The following STAB2 variants were observed in gnomAD, a reference collection of about 807,000 sequenced individuals.
The protein encoded by STAB2 is stabilin 2, also known as stabilin-2.
A neutral mutation model predicts 338.1 loss-of-function variants in STAB2; 288 were observed. The observed-to-expected ratio is 0.85, with a 90% confidence interval of 0.77 to 0.94. STAB2 has a LOEUF of 0.94. Among genes scored for constraint, STAB2 ranks in the 40% least tolerant of loss-of-function variants. The pLI, the probability that STAB2 is intolerant of heterozygous loss-of-function variation, is 0.00. For synonymous variants in STAB2, 1,202 were observed against 1,193.3 expected (o/e 1.01, Z -0.15); for missense variants, 3,141 against 3,210.1 (o/e 0.98, Z 0.52).
chr12:103,753,827 G>A (rs1318616588), intron 61 of STAB2, among the ~76,000 whole-genome samples: 1 of 152,040 alleles, frequency 6.6e-6, no homozygotes, highest in Non-Finnish European at 1.5e-5. Flanking sequence ...AGCCTAGGGT[G>A]GATCTCCCCG....
At chr12:103,716,836 G>C (rs1000223574) in intron 43 of STAB2, among the ~76,000 whole-genome samples, 3 of 152,216 alleles carry the variant, frequency 2.0e-5, no homozygotes, top group Non-Finnish European at 4.4e-5. Context: ...TGCCCATCCA[G>C]TCCTAGGGGG....
chr12:103,749,912 G>A (rs1403531399), intron 59 of STAB2, among the ~76,000 whole-genome samples: 4 of 144,846 alleles, frequency 2.8e-5, no homozygotes, highest in African/African-American at 1.0e-4. Context: ...AAAAGATGAT[G>A]CAAGATAATG....
At chr12:103,688,048 C>A in intron 27 of STAB2, 120 bp from the exon 28 acceptor site, 1 of 937,688 alleles carries the variant, frequency 1.1e-6, no homozygotes. Flanking sequence ...GGACAACGAG[C>A]CTAGCCCCAG....
intron 56 of STAB2, among the ~76,000 whole-genome samples, chr12:103,743,022 TC>T (rs1882710656): frequency 1.0e-5 from 1 of 97,022 alleles, no homozygotes. Context: ...AATTTTTTTT[TC>T]TTTTTTTTTT....
At chr12:103,657,226 TAAAAAAAAAAA>T (rs140834161) in intron 15 of STAB2, among the ~76,000 whole-genome samples, 3 of 116,410 alleles carry the variant, frequency 2.6e-5, no homozygotes, top group African/African-American at 9.8e-5. Flanking sequence ...TAAAGTGAGC[TAAAAAAAAAAA>T]AAAAAAAAAG....
chr12:103,754,921 G>A (rs1004382708), intron 61 of STAB2, among the ~76,000 whole-genome samples: 8 of 151,066 alleles, frequency 5.3e-5, no homozygotes, highest in Admixed American at 6.6e-5. Flanking sequence ...CCTTTAGCCT[G>A]GGTGACAGAG....
At chr12:103,602,934 C>T (rs7955524) in intron 3 of STAB2, among the ~76,000 whole-genome samples, 5,765 of 152,186 alleles carry the variant, frequency 0.038, 393 homozygotes, top group African/African-American at 0.13. Flanking sequence ...GATACTGCTT[C>T]TTGTATCATA....
At chr12:103,750,996 GA>G (rs1162832143) in intron 60 of STAB2, among the ~76,000 whole-genome samples, 1 of 152,236 alleles carries the variant, frequency 6.6e-6, no homozygotes, top group Non-Finnish European at 1.5e-5. Context: ...GGAGGCTGAG[GA>G]AAGCGAAAAG....
At chr12:103,672,175 C>T (rs1875864481) in intron 22 of STAB2, among the ~76,000 whole-genome samples, 1 of 152,350 alleles carries the variant, frequency 6.6e-6, no homozygotes, top group Middle Eastern at 3.4e-3. Context: ...ACAACCCTTC[C>T]GCTCTCCTAC....
chr12:103,683,249 C>G lies in STAB2; in HGVS notation c.2850C>G (p.Asp950Glu), dbSNP rs1566012134. 6 of 1,612,468 alleles carry G rather than the reference C, an allele frequency of 3.7e-6. No individual in the cohort carries two copies. Among genetic ancestry groups the G allele is most frequent in the South Asian group, 2.2e-5 (2 of 90,882 alleles). The change falls in exon 26 of 69, where the codon GAC (aspartate) becomes GAG (glutamate). Residue 950 changes from aspartate to glutamate, a missense_variant. Coordinates refer to ENST00000388887, the MANE Select transcript of STAB2 (RefSeq NM_017564.10). The part of the protein sequence containing the change: ...CKKGFRGNGI[D>E]CEPITSCLEQ... ...AAGGATTTCGAGGAAATGGGATTGA[C>G]TGTGAACCAATAACTTCATGCTTGG...
At chr12:103,719,025 A>G (rs1391038311) in intron 44 of STAB2, among the ~76,000 whole-genome samples, 3 of 152,204 alleles carry the variant, frequency 2.0e-5, no homozygotes, top group Non-Finnish European at 4.4e-5. Context: ...CCTTGACTGC[A>G]GGCTGGACCC....
intron 12 of STAB2, among the ~76,000 whole-genome samples, chr12:103,652,911 T>G (rs1190813605): frequency 1.3e-5 from 2 of 152,094 alleles, no homozygotes; most frequent in Non-Finnish European, 2.9e-5. Context: ...GTTATGCAAA[T>G]GGGGTTACAA....
At chr12:103,669,502 C>G in intron 20 of STAB2, 39 bp from the exon 21 acceptor site, 8 of 1,532,058 alleles carry the variant, frequency 5.2e-6, no homozygotes, top group Non-Finnish European at 7.2e-6. Context: ...TGGTGCTCTA[C>G]TTGGGGGTTC....
chr12:103,703,041 A>G (rs1189506727), intron 34 of STAB2, 107 bp from the exon 35 acceptor site: 2 of 1,253,074 alleles, frequency 1.6e-6, no homozygotes, highest in Admixed American at 2.7e-5. Context: ...CCAGGTGAAT[A>G]TTGTAATATC....
intron 3 of STAB2, among the ~76,000 whole-genome samples, chr12:103,619,480 A>G (rs77282061): frequency 0.047 from 7,189 of 152,180 alleles, 568 homozygotes; most frequent in African/African-American, 0.16. Context: ...GATTGTGGGC[A>G]TTGTAATTTC....
At chr12:103,589,586 G>A (rs1956764695) in intron 1 of STAB2, among the ~76,000 whole-genome samples, 2 of 152,156 alleles carry the variant, frequency 1.3e-5, no homozygotes, top group East Asian at 1.9e-4. Flanking sequence ...TAAGAATCAG[G>A]TGTCTTTTAA....
intron 3 of STAB2, among the ~76,000 whole-genome samples, chr12:103,609,218 G>A (rs1957082027): frequency 6.6e-6 from 1 of 152,144 alleles, no homozygotes; most frequent in Admixed American, 6.5e-5. Flanking sequence ...TTCCAATTCT[G>A]TGAAGAAAGT....
rs1335873025 is a variant in STAB2 at position 103,660,337 on chromosome 12, C to T, written c.1741C>T (p.Arg581Trp). Residue 581 changes from arginine to tryptophan, a missense_variant, in exon 16 of 69, where the codon CGG (arginine) becomes TGG (tryptophan). Physicochemically the swap from Arg to Trp is moderately radical, Grantham distance 101. Coordinates refer to ENST00000388887, the MANE Select transcript of STAB2 (RefSeq NM_017564.10). ...LDYLLSPEGS[R>W]KLLELVRYHI... The stretch of plus-strand genomic sequence containing the variant: ...GTATTTGGTTCCTTTGCAGGGATCT[C>T]GGAAGCTTCTGGAACTCGTCAGATA... 1.2e-5 allele frequency: 20 copies of T among 1,614,098 alleles called. No individual in the cohort carries two copies. The highest frequency in any genetic ancestry group is 1.7e-5 in the Admixed American group (1 of 60,024).
At chr12:103,611,282 G>C (rs1957118103) in intron 3 of STAB2, among the ~76,000 whole-genome samples, 1 of 152,210 alleles carries the variant, frequency 6.6e-6, no homozygotes, top group African/African-American at 2.4e-5. Flanking sequence ...AATGTTGACA[G>C]TGGGGTGTTA....
Sources: allele counts gnomAD v4.1 joint callset (sites outside exome capture counted in the v4.1 genomes callset), GRCh38; gene constraint gnomAD v4.1.1; transcripts MANE v1.5; gene names NCBI Gene and HGNC (gene_info 2026-07-23, HGNC 2026-07-21).